STAB1: variants seen among roughly 807,000 people sequenced by gnomAD.
The protein encoded by STAB1 is stabilin-1.
A neutral mutation model predicts 332.4 loss-of-function variants in STAB1; 250 were observed. The observed-to-expected ratio is 0.75, with a 90% CI of 0.68 to 0.84. The LOEUF is 0.84. Among genes scored for constraint, STAB1 ranks in the 40% least tolerant of loss-of-function variants. The probability of loss-of-function intolerance (pLI) is 0.00; values close to 1 mark genes in which losing one functional copy is unlikely to be tolerated. For missense variants in STAB1, 3,249 were observed against 3,489.7 expected (o/e 0.93, Z 1.74); for synonymous variants, 1,475 against 1,390.4 (o/e 1.06, Z -1.35).
chr3:52,496,718 A>G (rs1250795576), intron 1 of STAB1, among the ~76,000 whole-genome samples: 1 of 152,156 alleles, frequency 6.6e-6, no homozygotes, highest in Non-Finnish European at 1.5e-5. Flanking sequence ...GGCCTCCGCC[A>G]CCTCCTCATG....
Position 52,517,597 on chromosome 3 carries a change from C to G in STAB1, c.4611C>G (p.Thr1537=), listed in dbSNP as rs1469795473. ...REGYSGDGIR[T]CELLDPCSKN... ...GTTACAGCGGGGATGGCATCCGGAC[C>G]TGCGAGCTCCTGGACCCCTGCTCTA... Residue 1537 remains threonine, a synonymous_variant, in exon 44 of 69, where the codon ACC becomes ACG. Transcript: ENST00000321725. 1 of 1,612,910 alleles carries G rather than the reference C, an allele frequency of 6.2e-7. No individual in the cohort carries two copies. Among genetic ancestry groups the G allele is most frequent in the Non-Finnish European group, 8.5e-7 (1 of 1,179,914 alleles).
At chr3:52,508,498 G>T (rs1330193505) in intron 21 of STAB1, 139 bp downstream of exon 21, 5 of 785,278 alleles carry the variant, frequency 6.4e-6, no homozygotes, top group African/African-American at 1.7e-5. Context: ...TGGAAAGTTG[G>T]ATCAAATTAT....
rs1300547284 is a variant in STAB1, at chr3:52,520,638, C to A, written c.5650-4C>A. 9 of 1,612,868 alleles carry A rather than the reference C, an allele frequency of 5.6e-6. No individual in the cohort carries two copies. The highest frequency in any genetic ancestry group is 1.6e-4 in the Middle Eastern group (1 of 6,062). On this transcript the variant is annotated splice_region_variant and splice_polypyrimidine_tract_variant and intron_variant, in intron 53 of 68. Coordinates refer to ENST00000321725, the MANE Select transcript of STAB1 (RefSeq NM_015136.3). ...TTTGCTGTATTGGCCTCCCTCCCTT[C>A]CAGAACACCTGCAGCATCTGTGGGC...
chr3:52,502,515 T>G, intron 5 of STAB1, 117 bp from the exon 6 acceptor site: 1 of 946,556 alleles, frequency 1.1e-6, no homozygotes, highest in Non-Finnish European at 1.6e-6. Context: ...AGCTCTGTAC[T>G]CTTAAGGTTG....
At chr3:52,502,301 C>T in intron 5 of STAB1, 73 bp downstream of exon 5, 1 of 1,484,738 alleles carries the variant, frequency 6.7e-7, no homozygotes, top group South Asian at 1.2e-5. Context: ...TACCTACAAC[C>T]AGCTCCCACC....
Position 52,504,504 on chromosome 3 carries a change from C to T in STAB1, c.1194C>T (p.Thr398=), listed in dbSNP as rs113269624. The part of the protein sequence containing the change: ...REILTTAGPF[T]VLVPSVSSFS... Reference sequence around the variant, plus strand: ...TCCTTACCACAGCGGGCCCTTTCACCGTGCTGGTGCCATCCGTCTCCTCCT... The same window carrying T: ...TCCTTACCACAGCGGGCCCTTTCACTGTGCTGGTGCCATCCGTCTCCTCCT... Residue 398 remains threonine (T), a synonymous_variant, in exon 11 of 69, where the codon ACC becomes ACT. Coordinates refer to ENST00000321725, the MANE Select transcript of STAB1 (RefSeq NM_015136.3). The T allele has an allele frequency of 6.2e-6, 10 of 1,613,972 alleles. No homozygotes were observed. Among genetic ancestry groups the T allele is most frequent in the South Asian group, 3.3e-5 (3 of 91,086 alleles).
At chr3:52,496,454 G>C (rs1270628167) in intron 1 of STAB1, among the ~76,000 whole-genome samples, 2 of 152,228 alleles carry the variant, frequency 1.3e-5, no homozygotes, top group African/African-American at 4.8e-5. Context: ...GTCCAGCCAG[G>C]GGCCTAGGCC....
At chr3:52,512,494 C>T in intron 27 of STAB1, 58 bp downstream of exon 27, 1 of 1,610,766 alleles carries the variant, frequency 6.2e-7, no homozygotes. Context: ...GAGCCCTCTC[C>T]AGCACCTCAG....
rs1469795473 is a variant in STAB1, at chr3:52,517,597, C to T, written c.4611C>T (p.Thr1537=). The T allele has an allele frequency of 6.2e-7, 1 of 1,612,910 alleles. No individual in the cohort carries two copies. The highest frequency in any genetic ancestry group is 2.2e-5 in the East Asian group (1 of 44,870). The change falls in exon 44 of 69, where the codon ACC becomes ACT. Residue 1537 remains threonine, a synonymous_variant. Coordinates refer to ENST00000321725, the MANE Select transcript of STAB1 (RefSeq NM_015136.3). The stretch of plus-strand genomic sequence containing the variant: ...GTTACAGCGGGGATGGCATCCGGAC[C>T]TGCGAGCTCCTGGACCCCTGCTCTA... ...REGYSGDGIR[T]CELLDPCSKN...
chr3:52,507,997 T>A lies in STAB1; in HGVS notation c.2119T>A (p.Cys707Ser). The A allele has an allele frequency of 6.2e-7, 1 of 1,613,656 alleles. No homozygotes were observed. Among genetic ancestry groups the A allele is most frequent in the Non-Finnish European group, 8.5e-7 (1 of 1,179,980 alleles). The change falls in exon 20 of 69, where the codon TGT (cysteine) becomes AGT (serine). Residue 707 changes from cysteine (C) to serine (S), a missense_variant. Cys to Ser is a moderately radical substitution (Grantham distance 112). Coordinates refer to ENST00000321725, the MANE Select transcript of STAB1 (RefSeq NM_015136.3). The part of the protein sequence containing the change: ...PTGLNVLKKG[C>S]ASYCNQTIME... ...GGGGCTCAATGTGCTAAAGAAGGGC[T>A]GTGCCAGCTACTGCAACCAAACCAT...
At chr3:52,506,409 T>G (rs1228740630) in intron 17 of STAB1, among the ~76,000 whole-genome samples, 159 bp downstream of exon 17, 1 of 152,218 alleles carries the variant, frequency 6.6e-6, no homozygotes, top group Non-Finnish European at 1.5e-5. Context: ...CAAATTCCTC[T>G]GCTGGGGCCC....
chr3:52,509,510 A>G (rs1175446393), intron 22 of STAB1, 189 bp downstream of exon 22: 1 of 597,962 alleles, frequency 1.7e-6, no homozygotes, highest in African/African-American at 1.9e-5. Flanking sequence ...AGGAGGAGGG[A>G]CGAAGGCCAA....
At chr3:52,506,296 C>T (rs1361486889) in intron 17 of STAB1, 46 bp downstream of exon 17, 1 of 1,541,254 alleles carries the variant, frequency 6.5e-7, no homozygotes, top group South Asian at 1.2e-5. Context: ...TGGCGGTGAC[C>T]AGCTGCCCAC....
Position 52,509,296 on chromosome 3 carries a change from C to T in STAB1, c.2322C>T (p.Asn774=), listed in dbSNP as rs1386677706. ...CCTGCCACATCTGCTCGAACCCAAA[C>T]AAGCATGGAGAGCAATGCCAGGAAG... is the stretch of plus-strand genomic sequence containing the variant. ...GIACHICSNP[N]KHGEQCQEDC... Residue 774 remains asparagine, a synonymous_variant, in exon 22 of 69, where the codon AAC becomes AAT. Transcript: ENST00000321725. 1.9e-6 allele frequency: 3 copies of T among 1,613,588 alleles called. No individual in the cohort carries two copies. The highest frequency in any genetic ancestry group is 1.7e-6 in the Non-Finnish European group (2 of 1,179,988).
Position 52,521,965 on chromosome 3 carries a change from C to G in STAB1, c.6271+14C>G. 1.9e-6 allele frequency: 3 copies of G among 1,606,088 alleles called. No homozygotes were observed. Among genetic ancestry groups the G allele is most frequent in the Non-Finnish European group, 2.6e-6 (3 of 1,174,838 alleles). On this transcript the variant is annotated intron_variant, in intron 58 of 68. Coordinates refer to ENST00000321725, the MANE Select transcript of STAB1 (RefSeq NM_015136.3). ...GTGTGTGTACAGGTAAGCAGATGGG[C>G]GGGGACATGGAGGTGGGAGGCCCCC...
intron 7 of STAB1, 107 bp downstream of exon 7, chr3:52,503,216 A>G (rs1708582371): frequency 6.0e-6 from 9 of 1,493,406 alleles, no homozygotes; most frequent in Non-Finnish European, 7.3e-6. Context: ...AGGGAGAGCC[A>G]TTCCTAAGGG....
Position 52,516,575 on chromosome 3 carries a change from A to G in STAB1, c.4274A>G (p.Asp1425Gly). Residue 1425 changes from aspartate (D) to glycine (G), a missense_variant, in exon 40 of 69, where the codon GAC (aspartate) becomes GGC (glycine). Transcript: ENST00000321725. ...ITSPQCPRKC[D>G]PNANCVQDSA... ...AGCCCTCAGTGCCCTAGGAAGTGCG[A>G]CCCCAATGCCAAGTGAGTGGGCCCA... 6.2e-7 allele frequency: 1 copy of G among 1,612,734 alleles called. No individual in the cohort carries two copies. Among genetic ancestry groups the G allele is most frequent in the Non-Finnish European group, 8.5e-7 (1 of 1,179,932 alleles).
chr3:52,504,397 C>T, intron 10 of STAB1, 64 bp from the exon 11 acceptor site: 1 of 1,569,778 alleles, frequency 6.4e-7, no homozygotes, highest in Non-Finnish European at 8.8e-7. Context: ...GATGCCCGAA[C>T]ATCTTCTGAG....
chr3:52,523,693 C>T lies in STAB1; in HGVS notation c.7332C>T (p.Asp2444=). 6.2e-6 allele frequency: 10 copies of T among 1,611,630 alleles called. No individual in the cohort carries two copies. Among genetic ancestry groups the T allele is most frequent in the Non-Finnish European group, 7.6e-6 (9 of 1,178,884 alleles). ...TVVVSRIIVW[D]IMAFNGIIHA... is the part of the protein sequence containing the mutation. ...TGGTTAGCCGTATCATTGTGTGGGA[C>T]ATCATGGCCTTCAATGGCATCATCC... The change falls in exon 66 of 69, where the codon GAC becomes GAT. Residue 2444 remains aspartate, a synonymous_variant. Transcript: ENST00000321725.
Sources: gnomAD v4.1 joint callset for allele counts (sites outside exome capture counted in the v4.1 genomes callset) on GRCh38, gnomAD v4.1.1 for gene constraint, MANE v1.5 for transcripts, NCBI Gene and HGNC (gene_info 2026-07-23, HGNC 2026-07-21) for gene names.